The following TANC1 variants were observed in gnomAD, a reference collection of about 807,000 sequenced individuals.
TANC1 encodes protein TANC1.
A neutral mutation model predicts 149.7 loss-of-function variants in TANC1; 77 were observed. The ratio of observed to expected loss-of-function variants is 0.51; its 90% CI spans 0.43 to 0.62. TANC1 has a LOEUF of 0.62. TANC1 is among the 20% of genes least tolerant of loss of function. The pLI is 0.00. For missense variants in TANC1, 1,985 were observed against 2,321.8 expected (o/e 0.85, Z 2.98); for synonymous variants, 854 against 925.0 (o/e 0.92, Z 1.39).
At chr2:159,207,755 A>C (rs1455457421) in intron 19 of TANC1, among the ~76,000 whole-genome samples, 1 of 144,130 alleles carries the variant, frequency 6.9e-6, no homozygotes, top group African/African-American at 2.6e-5. Context: ...CACTCCCTCT[A>C]GCTGTGGGAC....
chr2:159,068,557 T>G (rs2042867761), intron 3 of TANC1, among the ~76,000 whole-genome samples: 1 of 152,206 alleles, frequency 6.6e-6, no homozygotes, highest in African/African-American at 2.4e-5. Flanking sequence ...TGAGATAAAC[T>G]TAGTATCCTT....
Position 159,066,061 on chromosome 2 carries a change from G to A in TANC1, c.61+90G>A, listed in dbSNP as rs534257645. The A allele has an allele frequency of 8.2e-5, 84 of 1,025,830 alleles. No homozygotes were observed. In the African/African-American group the frequency reaches 1.2e-3, roughly 15 times the overall value. The allele number at this position is 1,025,830 out of a possible 1,614,324, so 63.5% of individuals were successfully genotyped here. ...GCCGGATGGATTTGTTGCTTTGGGA[G>A]TGGGTCAGAGAGGGTTACCTGGGTT... On this transcript the variant is annotated intron_variant, in intron 3 of 26. Transcript: ENST00000263635.
intron 3 of TANC1, among the ~76,000 whole-genome samples, chr2:159,082,986 C>T (rs1207703588): frequency 6.6e-6 from 1 of 152,170 alleles, no homozygotes; most frequent in African/African-American, 2.4e-5. Context: ...TGCTTTGTCT[C>T]CCAGGCTGGA....
chr2:159,014,705 T>C (rs2038091657), intron 2 of TANC1, among the ~76,000 whole-genome samples: 1 of 152,178 alleles, frequency 6.6e-6, no homozygotes, highest in Non-Finnish European at 1.5e-5. Flanking sequence ...GGTACTGACA[T>C]TGGGTAAATA....
chr2:159,079,040 T>C (rs2043981131), intron 3 of TANC1, among the ~76,000 whole-genome samples: 1 of 152,148 alleles, frequency 6.6e-6, no homozygotes, highest in Admixed American at 6.6e-5. Flanking sequence ...CAATAAAATA[T>C]ATTTGTAGAG....
At chr2:159,163,636 A>C in intron 8 of TANC1, 90 bp downstream of exon 8, 1 of 1,465,200 alleles carries the variant, frequency 6.8e-7, no homozygotes, top group South Asian at 1.4e-5. Flanking sequence ...CACTCCAGAT[A>C]CAAGCCAGCT....
Position 159,169,331 on chromosome 2 carries a change from C to T in TANC1, c.1028C>T (p.Pro343Leu). 1 of 1,613,914 alleles carries T rather than the reference C, an allele frequency of 6.2e-7. No individual in the cohort carries two copies. The highest frequency in any genetic ancestry group is 8.5e-7 in the Non-Finnish European group (1 of 1,179,866). ...NAPLRTSIRLPWHNTAGGRAQ... is the reference protein window; with the variant it reads ...NAPLRTSIRLLWHNTAGGRAQ... The stretch of plus-strand genomic sequence containing the variant: ...CCTCTACGGACGTCAATTAGATTAC[C>T]ATGGCACAATACGGCCGGAGGTAGG... Residue 343 changes from proline to leucine, a missense_variant, in exon 9 of 27, where the codon CCA becomes CTA. Physicochemically the swap from Pro to Leu is moderately conservative, Grantham distance 98. Coordinates refer to ENST00000263635, the MANE Select transcript of TANC1 (RefSeq NM_033394.3).
intron 16 of TANC1, among the ~76,000 whole-genome samples, chr2:159,191,363 G>A (rs2057429209): frequency 6.6e-6 from 1 of 152,220 alleles, no homozygotes; most frequent in Admixed American, 6.5e-5. Flanking sequence ...CATGCTGAGG[G>A]ATAGAGAGGG....
chr2:159,138,863 C>G lies in TANC1; in HGVS notation c.364+2565C>G, dbSNP rs111640125. Among the ~76,000 whole-genome samples the G allele has an allele frequency of 1.8e-3, 271 of 152,312 alleles. 1 individual carries two copies. The highest frequency in any genetic ancestry group is 6.4e-3 in the African/African-American group (265 of 41,560). ...ATGCTTGAAATACTTTCCTGCCTCA[C>G]TTTTGCTTTGGTCATGTAGCTCCAT... On this transcript the variant is annotated intron_variant, in intron 5 of 26. Transcript: ENST00000263635.
intron 4 of TANC1, among the ~76,000 whole-genome samples, chr2:159,100,666 G>C (rs540042883): frequency 8.9e-4 from 135 of 152,298 alleles, no homozygotes; most frequent in African/African-American, 3.1e-3. Flanking sequence ...CAGCAAATTA[G>C]TGTCTCACAG....
intron 5 of TANC1, chr2:159,148,340 A>G (rs2052372284): frequency 6.6e-6 from 1 of 152,226 alleles, no homozygotes; most frequent in African/African-American, 2.4e-5. Flanking sequence ...GTACAGGGTT[A>G]AACTACAGCT....
intron 2 of TANC1, among the ~76,000 whole-genome samples, chr2:159,042,032 C>T (rs927946014): frequency 4.6e-5 from 7 of 152,194 alleles, no homozygotes; most frequent in African/African-American, 1.7e-4. Flanking sequence ...CAAATGAGAT[C>T]TCAGCTGACC....
At chr2:159,204,502 C>T (rs1433249793) in intron 19 of TANC1, among the ~76,000 whole-genome samples, 1 of 152,176 alleles carries the variant, frequency 6.6e-6, no homozygotes, top group Non-Finnish European at 1.5e-5. Flanking sequence ...ATAACATCTC[C>T]CTCTCTGCAG....
chr2:159,025,209 C>CTTTCTTTG (rs748593714), intron 2 of TANC1, among the ~76,000 whole-genome samples: 2 of 133,956 alleles, frequency 1.5e-5, no homozygotes, highest in East Asian at 4.2e-4. Flanking sequence ...TTCTTTCTTT[C>CTTTCTTTG]TTTCTTTCTT....
In TANC1 at chr2:159,230,485, A is replaced by G. The variant is rs1332334560; in HGVS notation, c.5059A>G (p.Ser1687Gly). ...SSTSSLTSSS[S>G]FSDGFKVQGP... ...AACCAGTAGTTTGACTTCGAGCAGC[A>G]GTTTTTCAGATGGCTTCAAGGTCCA... Residue 1687 changes from serine (S) to glycine (G), a missense_variant, in exon 27 of 27, where the codon AGT becomes GGT. By Grantham distance (56) the Ser-to-Gly change is moderately conservative. Transcript: ENST00000263635. The surrounding 1 kb of genome is among the most constrained non-coding windows in gnomAD (Gnocchi z 4.4). 6.2e-7 allele frequency: 1 copy of G among 1,614,214 alleles called. No individual in the cohort carries two copies. Among genetic ancestry groups the G allele is most frequent in the Middle Eastern group, 1.6e-4 (1 of 6,062 alleles).
intron 14 of TANC1, 100 bp from the exon 15 acceptor site, chr2:159,185,690 CA>C: frequency 1.3e-6 from 1 of 752,168 alleles, no homozygotes; most frequent in South Asian, 1.7e-5. Flanking sequence ...TTGTCACGGG[CA>C]TAAATCAGTG....
chr2:159,137,568 G>A (rs1005229198), intron 5 of TANC1, among the ~76,000 whole-genome samples: 1 of 152,222 alleles, frequency 6.6e-6, no homozygotes. Flanking sequence ...AGATTCCACT[G>A]TGGTGTCTGG....
chr2:158,988,502 G>A (rs1223276076), intron 1 of TANC1, among the ~76,000 whole-genome samples: 2 of 152,068 alleles, frequency 1.3e-5, no homozygotes, highest in South Asian at 2.1e-4. Context: ...GGAGAGAGGA[G>A]CATCTTCCTT....
intron 2 of TANC1, among the ~76,000 whole-genome samples, chr2:159,026,090 C>T (rs983546121): frequency 5.3e-5 from 8 of 152,132 alleles, no homozygotes; most frequent in Non-Finnish European, 7.4e-5. Context: ...ACCCACAATT[C>T]CTGGCTAATT....
Sources: gnomAD v4.1 joint callset for allele counts (sites outside exome capture counted in the v4.1 genomes callset) on GRCh38, gnomAD v4.1.1 for gene constraint, Gnocchi (gnomAD v3.1) non-coding constraint, MANE v1.5 for transcripts, NCBI Gene and HGNC (gene_info 2026-07-23, HGNC 2026-07-21) for gene names.